Variants in PDXK observed in about 807,000 individuals in gnomAD.
PDXK encodes pyridoxal kinase.
A neutral mutation model predicts 43.2 loss-of-function variants in PDXK; 15 were observed. The ratio of observed to expected loss-of-function variants is 0.35; its 90% CI spans 0.23 to 0.53. The LOEUF is 0.53. PDXK is among the 20% of genes least tolerant of loss of function. The pLI, the probability that PDXK is intolerant of heterozygous loss-of-function variation, is 0.92. For missense variants in PDXK, 343 were observed against 417.0 expected (o/e 0.82, Z 1.54); for synonymous variants, 172 against 165.4 (o/e 1.04, Z -0.31).
rs190341968 is a variant in PDXK at position 43,726,551 on chromosome 21, C to T, written c.87+7170C>T. Reference sequence around the variant, plus strand: ...TCGGCCTTCCAAAGTGCTGGGATTACGGCTGAGCCACCGCGCCCGGCCAAT... The same window carrying T: ...TCGGCCTTCCAAAGTGCTGGGATTATGGCTGAGCCACCGCGCCCGGCCAAT... On this transcript the variant is annotated intron_variant, in intron 1 of 10. Transcript: ENST00000291565. Among the ~76,000 whole-genome samples the T allele has an allele frequency of 2.7e-3, 411 of 152,098 alleles. 4 individuals carry two copies. Among genetic ancestry groups the T allele is most frequent in the African/African-American group, 9.7e-3 (404 of 41,476 alleles).
chr21:43,738,445 A>G (rs1173403207), intron 2 of PDXK: 1 of 152,170 alleles, frequency 6.6e-6, no homozygotes, highest in Non-Finnish European at 1.5e-5. Flanking sequence ...TCACACTGCT[A>G]ATTGTTGGGA....
In PDXK at chr21:43,732,377, G is replaced by T. The variant is rs78804003; in HGVS notation, c.88-1692G>T. 2.1e-3 allele frequency: 3,418 copies of T among 1,611,886 alleles called. 73 individuals are homozygous for T. In the African/African-American group the frequency reaches 0.039, roughly 18 times the overall value. On this transcript the variant is annotated intron_variant, in intron 1 of 10. Transcript: ENST00000291565. This position sits in a 1 kb window ranked among gnomAD's most constrained non-coding sequence, Gnocchi z 4.1. ...TGGCTTTGTCTGGCACATGAAGTTG[G>T]ATGGGTAGACTCTGGAAGCGTCCAG...
rs2083192889 is a variant in PDXK, at chr21:43,719,925, G to C, written c.87+544G>C. On this transcript the variant is annotated intron_variant, in intron 1 of 10. Coordinates refer to ENST00000291565, the MANE Select transcript of PDXK (RefSeq NM_003681.5). ...GTGCCCACGAGGGTGGATTCCCCTC[G>C]GCCTGACCACGCCAGGAGGTGGCCG... is the stretch of plus-strand genomic sequence containing the variant. 4 of 985,310 alleles carry C rather than the reference G, an allele frequency of 4.1e-6. No individual in the cohort carries two copies. The South Asian group carries it at 1.4e-4, about 35-fold the overall frequency. 61.0% of individuals were successfully genotyped at this position (985,310 alleles called of 1,614,324 possible).
intron 1 of PDXK, among the ~76,000 whole-genome samples, chr21:43,729,634 G>C (rs2083292800): frequency 6.6e-6 from 1 of 152,168 alleles, no homozygotes; most frequent in African/African-American, 2.4e-5. Context: ...CATGAGGGGA[G>C]CTAGGAGCAG....
At chr21:43,741,206 G>GA in intron 2 of PDXK, among the ~76,000 whole-genome samples, 1 of 3,246 alleles carries the variant, frequency 3.1e-4, no homozygotes, top group Non-Finnish European at 5.6e-4. Flanking sequence ...TCGCGGGGGG[G>GA]CTCGCGGGGG....
intron 7 of PDXK, among the ~76,000 whole-genome samples, 200 bp from the exon 8 acceptor site, chr21:43,752,318 G>A (rs959355594): frequency 1.3e-5 from 2 of 152,232 alleles, no homozygotes; most frequent in African/African-American, 4.8e-5. Context: ...GACAGTTTGT[G>A]GGGGGATGGT....
intron 2 of PDXK, among the ~76,000 whole-genome samples, chr21:43,739,593 T>G (rs916698259): frequency 1.3e-5 from 2 of 148,980 alleles, no homozygotes; most frequent in Non-Finnish European, 3.0e-5. Flanking sequence ...GGCCCAGGGT[T>G]TTAAAAGCCC....
Position 43,732,521 on chromosome 21 carries a change from T to A in PDXK, c.88-1548T>A, listed in dbSNP as rs776189893. 1.6e-6 allele frequency: 2 copies of A among 1,287,854 alleles called. No individual in the cohort carries two copies. The highest frequency in any genetic ancestry group is 2.3e-6 in the Non-Finnish European group (2 of 882,768). 79.8% of individuals were successfully genotyped at this position (1,287,854 alleles called of 1,614,324 possible). A position where few individuals can be genotyped will look rare whatever the true frequency, so the allele number is the denominator to read the frequency against. On this transcript the variant is annotated intron_variant, in intron 1 of 10. Transcript: ENST00000291565. This position sits in a 1 kb window ranked among gnomAD's most constrained non-coding sequence, Gnocchi z 4.1. Reference sequence around the variant, plus strand: ...TAAAAGCAGAAAATAGCGACTTCATTCTCGGATACGTTTGCCAGCCCCAAA... The same window carrying A: ...TAAAAGCAGAAAATAGCGACTTCATACTCGGATACGTTTGCCAGCCCCAAA...
chr21:43,725,277 C>T (rs558318886), intron 1 of PDXK, among the ~76,000 whole-genome samples: 13 of 151,308 alleles, frequency 8.6e-5, no homozygotes, highest in South Asian at 2.1e-4. Flanking sequence ...GAGCCGAGAT[C>T]GCGCCACTGC....
Position 43,760,998 on chromosome 21 carries a change from A to T in PDXK, c.*4935A>T, listed in dbSNP as rs953385282. 6.6e-6 allele frequency: 1 copy of T among 152,214 alleles called. No individual in the cohort carries two copies. Among genetic ancestry groups the T allele is most frequent in the Non-Finnish European group, 1.5e-5 (1 of 68,030 alleles). The allele number at this position is 152,214 out of a possible 1,614,324, so 9.4% of individuals were successfully genotyped here. ...CAACACGGTGTGTTCATTTGTTTAA[A>T]ACAGTTTAATGAGTAAGTTTAGATG... On this transcript the variant is annotated 3_prime_UTR_variant, in exon 11 of 11. Transcript: ENST00000291565.
chr21:43,730,524 G>A (rs764761917), intron 1 of PDXK, among the ~76,000 whole-genome samples: 8 of 152,204 alleles, frequency 5.3e-5, no homozygotes, highest in South Asian at 2.1e-4. Flanking sequence ...AAAGAGCTGT[G>A]CAGCAGCCTC....
intron 1 of PDXK, chr21:43,729,025 A>G (rs1204059425): frequency 1.2e-5 from 12 of 985,440 alleles, no homozygotes; most frequent in Non-Finnish European, 1.3e-5. Context: ...GGGAGCCCCA[A>G]TACGTCACAC....
Position 43,735,958 on chromosome 21 carries a change from G to A in PDXK, c.142+1835G>A, listed in dbSNP as rs991108426. ...ATCGTGTACCTGCCCTGGGTGCCAC[G>A]GGAGCTGGTGGTCAAGACGGGGGAC... On this transcript the variant is annotated intron_variant, in intron 2 of 10. Transcript: ENST00000291565. This position sits in a 1 kb window ranked among gnomAD's most constrained non-coding sequence, Gnocchi z 5.3. Among the ~76,000 whole-genome samples, 1 of 152,160 alleles carries A rather than the reference G, an allele frequency of 6.6e-6. No homozygotes were observed. The highest frequency in any genetic ancestry group is 6.5e-5 in the Admixed American group (1 of 15,278).
chr21:43,752,438 G>A, intron 7 of PDXK, 80 bp from the exon 8 acceptor site: 1 of 929,500 alleles, frequency 1.1e-6, no homozygotes, highest in Non-Finnish European at 1.7e-6. Flanking sequence ...ACTGCCAGGT[G>A]ATGGATCGGG....
At chr21:43,733,701 A>G in intron 1 of PDXK, 1 of 1,136,024 alleles carries the variant, frequency 8.8e-7, no homozygotes, top group Non-Finnish European at 1.1e-6. Flanking sequence ...GTGTGTGGAC[A>G]GATGGGTATT....
rs776660752 is a variant in PDXK, at chr21:43,748,964, A to G, written c.379-31A>G. The G allele has an allele frequency of 7.1e-6, 10 of 1,400,576 alleles. No individual in the cohort carries two copies. The African/African-American group carries it at 1.4e-4, about 20-fold the overall frequency. The allele number at this position is 1,400,576 out of a possible 1,614,324, so 86.8% of individuals were successfully genotyped here. A position where few individuals can be genotyped will look rare whatever the true frequency, so the allele number is the denominator to read the frequency against. On this transcript the variant is annotated intron_variant, in intron 5 of 10. Coordinates refer to ENST00000291565, the MANE Select transcript of PDXK (RefSeq NM_003681.5). Reference sequence around the variant, plus strand: ...TGGCGTGCTTCCCTCACGGTGACTCAGCCTCTCCTCCTGTCTCCTTTGTTG... The same window carrying G: ...TGGCGTGCTTCCCTCACGGTGACTCGGCCTCTCCTCCTGTCTCCTTTGTTG...
chr21:43,758,557 C>G lies in PDXK; in HGVS notation c.*2494C>G, dbSNP rs4819309. Reference sequence around the variant, plus strand: ...TTCCACCCGGGCATGTTCGTCTCTCCTGACTTCGGCAGAGGCCCCTGGTGG... The same window carrying G: ...TTCCACCCGGGCATGTTCGTCTCTCGTGACTTCGGCAGAGGCCCCTGGTGG... On this transcript the variant is annotated 3_prime_UTR_variant, in exon 11 of 11. Transcript: ENST00000291565. The G allele has an allele frequency of 6.5e-6, 1 of 153,704 alleles. No homozygotes were observed. The highest frequency in any genetic ancestry group is 1.5e-5 in the Non-Finnish European group (1 of 68,048). 9.5% of individuals were successfully genotyped at this position (153,704 alleles called of 1,614,324 possible).
intron 1 of PDXK, among the ~76,000 whole-genome samples, chr21:43,728,258 C>T (rs60286367): frequency 0.024 from 3,687 of 151,998 alleles, 153 homozygotes; most frequent in African/African-American, 0.082. Flanking sequence ...CAGTGGCAGG[C>T]GGTGGGAGGG....
rs1568998868 is a variant in PDXK at position 43,758,960 on chromosome 21, T to C, written c.*2897T>C. The C allele has an allele frequency of 6.6e-6, 1 of 152,260 alleles. No homozygotes were observed. The highest frequency in any genetic ancestry group is 1.5e-5 in the Non-Finnish European group (1 of 68,044). The allele number at this position is 152,260 out of a possible 1,614,324, so 9.4% of individuals were successfully genotyped here. On this transcript the variant is annotated 3_prime_UTR_variant, in exon 11 of 11. Transcript: ENST00000291565. ...AGTTGCAGCATGATGCTTTGTTTAATGTCCTGTTCTTAAGCTCGTTAGAGC... is the reference window on the plus strand; with the variant it reads ...AGTTGCAGCATGATGCTTTGTTTAACGTCCTGTTCTTAAGCTCGTTAGAGC...
Sources: gnomAD v4.1 joint callset for allele counts (sites outside exome capture counted in the v4.1 genomes callset) on GRCh38, gnomAD v4.1.1 for gene constraint, Gnocchi (gnomAD v3.1) non-coding constraint, MANE v1.5 for transcripts, NCBI Gene and HGNC (gene_info 2026-07-23, HGNC 2026-07-21) for gene names.